Variants in RTN4 observed in about 807,000 individuals in gnomAD.
The protein encoded by RTN4 is reticulon 4.
RTN4 carries 32 observed loss-of-function variants against 90.4 expected under a neutral mutation model. The observed-to-expected ratio is 0.35, with a 90% CI of 0.27 to 0.48. The LOEUF (loss-of-function observed/expected upper bound fraction) is 0.48, where lower values mean the gene tolerates loss of function less well. Among genes scored for constraint, RTN4 ranks in the 20% least tolerant of loss-of-function variants. RTN4 has a pLI of 0.99. For missense variants in RTN4, 1,706 were observed against 1,430.2 expected (o/e 1.19, Z -3.11); for synonymous variants, 629 against 552.5 (o/e 1.14, Z -1.94).
chr2:54,978,370 C>T (rs1677827887), intron 5 of RTN4, among the ~76,000 whole-genome samples: 1 of 142,432 alleles, frequency 7.0e-6, no homozygotes, highest in Admixed American at 7.7e-5. Context: ...GCAAAGGTTG[C>T]AGTGAGCCTA....
At chr2:55,064,861 T>C (rs1000303182) in intron 2 of RTN4, among the ~76,000 whole-genome samples, 4 of 152,210 alleles carry the variant, frequency 2.6e-5, no homozygotes, top group African/African-American at 9.6e-5. Context: ...ACTAAACATA[T>C]GAATTTTTCC....
intron 3 of RTN4, among the ~76,000 whole-genome samples, chr2:55,012,296 T>C (rs991893048): frequency 2.0e-5 from 3 of 152,160 alleles, no homozygotes; most frequent in Non-Finnish European, 2.9e-5. Context: ...ACATACTTAA[T>C]AGCACCCCTG....
intron 3 of RTN4, among the ~76,000 whole-genome samples, chr2:55,012,013 A>G (rs1680681368): frequency 6.6e-6 from 1 of 152,200 alleles, no homozygotes; most frequent in African/African-American, 2.4e-5. Context: ...AGTAAATACA[A>G]AATACTGACT....
chr2:55,123,958 G>A, the RTN4 span, among the ~76,000 whole-genome samples: 1 of 152,060 alleles, frequency 6.6e-6, no homozygotes, highest in Non-Finnish European at 1.5e-5. Context: ...CTGGTCTTGG[G>A]AAGTAAAATG....
chr2:55,031,848 C>A (rs964353850), intron 1 of RTN4, among the ~76,000 whole-genome samples: 1 of 152,182 alleles, frequency 6.6e-6, no homozygotes, highest in Non-Finnish European at 1.5e-5. Context: ...CTAACTGGCC[C>A]TGTAAGTCTG....
intron 3 of RTN4, among the ~76,000 whole-genome samples, chr2:55,021,710 C>G (rs1681454763): frequency 1.3e-5 from 2 of 152,108 alleles, no homozygotes; most frequent in Admixed American, 1.3e-4. Flanking sequence ...ATCCACCCTT[C>G]CTTTTATAGA....
chr2:54,983,344 T>TAAAC (rs1678297889), intron 4 of RTN4, among the ~76,000 whole-genome samples: 1 of 151,268 alleles, frequency 6.6e-6, no homozygotes, highest in Admixed American at 6.6e-5. Context: ...AATAAATAAA[T>TAAAC]AAATAAATAA....
intron 3 of RTN4, among the ~76,000 whole-genome samples, chr2:54,997,037 C>A (rs548000259): frequency 5.7e-4 from 87 of 152,310 alleles, no homozygotes; most frequent in Non-Finnish European, 1.0e-3. Flanking sequence ...ATAAATTGGA[C>A]TTCATTAAAA....
intron 1 of RTN4, among the ~76,000 whole-genome samples, chr2:55,044,785 T>TAAAAAAAA (rs10639848): frequency 4.6e-5 from 3 of 65,660 alleles, no homozygotes; most frequent in Non-Finnish European, 2.6e-5. Flanking sequence ...TGCAAATCAC[T>TAAAAAAAA]AAAAAAAAAA....
intron 3 of RTN4, among the ~76,000 whole-genome samples, chr2:55,010,907 T>C (rs1341339060): frequency 6.6e-6 from 1 of 152,342 alleles, no homozygotes; most frequent in African/African-American, 2.4e-5. Context: ...AACTCAATCT[T>C]TGAATATTTA....
intron 3 of RTN4, among the ~76,000 whole-genome samples, chr2:55,014,813 C>T (rs1217434638): frequency 1.3e-5 from 2 of 152,134 alleles, no homozygotes; most frequent in African/African-American, 4.8e-5. Context: ...CTGCACCTGG[C>T]CTCAAGCACG....
chr2:55,123,614 C>A, the RTN4 span, among the ~76,000 whole-genome samples: 1 of 151,744 alleles, frequency 6.6e-6, no homozygotes, highest in Non-Finnish European at 1.5e-5. Context: ...CCAGAAAAAT[C>A]TTATGATCAA....
At chr2:55,070,510 C>G (rs1474012159) in intron 2 of RTN4, among the ~76,000 whole-genome samples, 1 of 137,760 alleles carries the variant, frequency 7.3e-6, no homozygotes, top group African/African-American at 2.7e-5. Flanking sequence ...CATGCCATTG[C>G]ACTCCAGCCT....
At chr2:55,049,550 G>A (rs1246648141) in intron 1 of RTN4, 195 bp downstream of exon 1, 6 of 886,738 alleles carry the variant, frequency 6.8e-6, no homozygotes, top group Non-Finnish European at 3.6e-6. Context: ...CGGACAATAA[G>A]AACAAACCCG....
rs770464185 is a variant in RTN4 at position 54,987,566 on chromosome 2, G to C, written c.3146C>G (p.Ser1049Cys). The C allele has an allele frequency of 1.2e-6, 2 of 1,614,186 alleles. No homozygotes were observed. Residue 1049 changes from serine to cysteine, a missense_variant, in exon 4 of 9, where the codon TCT (serine) becomes TGT (cysteine). By Grantham distance (112) the Ser-to-Cys change is moderately radical. Transcript: ENST00000337526. ...GTATATCCTAAAGCTGATGGTCACA[G>C]AGAGCAGGGCCAAGGCAATGTAGGC... is the stretch of plus-strand genomic sequence containing the variant. The part of the protein sequence containing the change: ...VTAYIALALL[S>C]VTISFRIYKG...
intron 4 of RTN4, 45 bp downstream of exon 4, chr2:54,987,446 G>A (rs749640683): frequency 7.4e-7 from 1 of 1,343,040 alleles, no homozygotes; most frequent in South Asian, 1.2e-5. Context: ...TACCAATCCT[G>A]TTTACACTAT....
intron 2 of RTN4, among the ~76,000 whole-genome samples, chr2:55,061,615 T>C (rs140356050): frequency 2.0e-5 from 3 of 152,326 alleles, no homozygotes; most frequent in Non-Finnish European, 2.9e-5. Flanking sequence ...ACAGGAACAA[T>C]TCTTCTACAG....
intron 1 of RTN4, among the ~76,000 whole-genome samples, chr2:55,111,160 A>G (rs943890439): frequency 1.3e-5 from 2 of 152,206 alleles, no homozygotes; most frequent in African/African-American, 4.8e-5. Context: ...TTGCTTGCTA[A>G]CCTTGGGAAA....
intron 2 of RTN4, among the ~76,000 whole-genome samples, chr2:55,078,727 G>A (rs771303190): frequency 7.9e-5 from 12 of 152,172 alleles, no homozygotes; most frequent in African/African-American, 1.9e-4. Flanking sequence ...AATGTGTTAC[G>A]TGCTTTAAAA....
Sources: gnomAD v4.1 joint callset for allele counts (sites outside exome capture counted in the v4.1 genomes callset) on GRCh38, gnomAD v4.1.1 for gene constraint, MANE v1.5 for transcripts, NCBI Gene and HGNC (gene_info 2026-07-23, HGNC 2026-07-21) for gene names.